The following PAFAH1B1 variants were observed in gnomAD, a reference collection of about 807,000 sequenced individuals.
The protein encoded by PAFAH1B1 is platelet-activating factor acetylhydrolase IB subunit beta.
A neutral mutation model predicts 57.5 loss-of-function variants in PAFAH1B1; 2 were observed. That is an observed-to-expected ratio of 0.03 (90% confidence interval 0.01 to 0.11). PAFAH1B1 has a LOEUF of 0.11. Ranked by LOEUF, PAFAH1B1 falls within the 10% of genes least tolerant of loss-of-function variation. PAFAH1B1 has a pLI of 1.00. For synonymous variants in PAFAH1B1, 152 were observed against 169.6 expected (o/e 0.90, Z 0.81); for missense variants, 257 against 512.0 (o/e 0.50, Z 4.81).
In PAFAH1B1 at chr17:2,682,759, T is replaced by G. The variant is rs1483953711; in HGVS notation, c.*957T>G. 6.6e-6 allele frequency: 1 copy of G among 152,554 alleles called. No homozygotes were observed. The highest frequency in any genetic ancestry group is 1.5e-5 in the Non-Finnish European group (1 of 68,008). The allele number at this position is 152,554 out of a possible 1,614,324, so 9.5% of individuals were successfully genotyped here. Reference sequence around the variant, plus strand: ...GTTCTGTGTGCCCATTTGAAAGGAGTGGGAGGAATACAGCAGTTTGTTTTT... The same window carrying G: ...GTTCTGTGTGCCCATTTGAAAGGAGGGGGAGGAATACAGCAGTTTGTTTTT... On this transcript the variant is annotated 3_prime_UTR_variant, in exon 11 of 11. Coordinates refer to ENST00000397195, the MANE Select transcript of PAFAH1B1 (RefSeq NM_000430.4).
chr17:2,664,693 T>G (rs997587626), intron 2 of PAFAH1B1, among the ~76,000 whole-genome samples: 2 of 58,146 alleles, frequency 3.4e-5, no homozygotes, highest in Non-Finnish European at 9.4e-5. Context: ...TCTCTCTCTC[T>G]TTCTCTCTCC....
chr17:2,618,861 A>G (rs1360324870), intron 1 of PAFAH1B1, among the ~76,000 whole-genome samples: 1 of 148,150 alleles, frequency 6.7e-6, no homozygotes, highest in Non-Finnish European at 1.5e-5. Flanking sequence ...GCAGTGAGGC[A>G]GGAGAATCAC....
chr17:2,666,107 T>G lies in PAFAH1B1; in HGVS notation c.192+17T>G. The G allele has an allele frequency of 6.8e-7, 1 of 1,464,772 alleles. No individual in the cohort carries two copies. Among genetic ancestry groups the G allele is most frequent in the Non-Finnish European group, 9.3e-7 (1 of 1,070,894 alleles). 90.7% of individuals were successfully genotyped at this position (1,464,772 alleles called of 1,614,324 possible). A position where few individuals can be genotyped will look rare whatever the true frequency, so the allele number is the denominator to read the frequency against. On this transcript the variant is annotated intron_variant, in intron 4 of 10. Coordinates refer to ENST00000397195, the MANE Select transcript of PAFAH1B1 (RefSeq NM_000430.4). ...CAAAAGAAGGTAACTAAGTCTTTTT[T>G]CTTTAAAATTAGTTGTATTCAGTTA...
intron 1 of PAFAH1B1, among the ~76,000 whole-genome samples, chr17:2,606,560 A>G (rs1362612444): frequency 2.6e-5 from 4 of 152,138 alleles, no homozygotes; most frequent in African/African-American, 7.2e-5. Flanking sequence ...ATGGGGTTTC[A>G]CCACGTTGGC....
intron 1 of PAFAH1B1, among the ~76,000 whole-genome samples, chr17:2,623,077 T>A (rs545669645): frequency 6.6e-6 from 1 of 152,240 alleles, no homozygotes; most frequent in East Asian, 1.9e-4. Context: ...GCCCAGCTCA[T>A]GAAACCACTT....
chr17:2,638,336 T>G lies in PAFAH1B1; in HGVS notation c.32+16T>G. 6.2e-7 allele frequency: 1 copy of G among 1,611,052 alleles called. No individual in the cohort carries two copies. Among genetic ancestry groups the G allele is most frequent in the Non-Finnish European group, 8.5e-7 (1 of 1,177,692 alleles). ...GAGATGAACTGTAAGTTTCTTTGTT[T>G]TGTGCTTTAAAAAAAATCTCCCTCA... is the stretch of plus-strand genomic sequence containing the variant. On this transcript the variant is annotated intron_variant, in intron 2 of 10. Coordinates refer to ENST00000397195, the MANE Select transcript of PAFAH1B1 (RefSeq NM_000430.4).
intron 1 of PAFAH1B1, among the ~76,000 whole-genome samples, chr17:2,594,987 C>T (rs972309364): frequency 6.6e-6 from 1 of 152,158 alleles, no homozygotes; most frequent in Admixed American, 6.5e-5. Flanking sequence ...TGTTATGCTA[C>T]CTTTCTTCAG....
At chr17:2,677,671 G>A (rs1051222548) in intron 9 of PAFAH1B1, among the ~76,000 whole-genome samples, 12 of 151,976 alleles carry the variant, frequency 7.9e-5, no homozygotes, top group Admixed American at 3.9e-4. Context: ...TGGCTAACAT[G>A]GTGAAACCCC....
chr17:2,634,835 C>G (rs1330837915), intron 1 of PAFAH1B1, among the ~76,000 whole-genome samples: 1 of 152,014 alleles, frequency 6.6e-6, no homozygotes, highest in East Asian at 1.9e-4. Context: ...CCTTCTTGGC[C>G]GATGCTTCCA....
Sources: gnomAD v4.1 joint callset for allele counts (sites outside exome capture counted in the v4.1 genomes callset) on GRCh38, gnomAD v4.1.1 for gene constraint, MANE v1.5 for transcripts, NCBI Gene and HGNC (gene_info 2026-07-23, HGNC 2026-07-21) for gene names.